Variants in MOG observed in about 807,000 individuals in gnomAD.
The protein encoded by MOG is myelin-oligodendrocyte glycoprotein.
Under a neutral mutation model 35.9 loss-of-function variants are expected in MOG, and 20 were observed. The observed-to-expected ratio is 0.56, with a 90% CI of 0.39 to 0.81. MOG has a LOEUF of 0.81. Ranked by LOEUF, MOG falls within the 30% of genes least tolerant of loss-of-function variation. The pLI is 0.00. For missense variants in MOG, 251 were observed against 301.0 expected, an observed-to-expected ratio of 0.83 and a Z score of 1.23; for synonymous variants, 92 against 114.3, an observed-to-expected ratio of 0.80 and a Z score of 1.25.
chr6:29,660,570 AC>A (rs1768416843), intron 2 of MOG, among the ~76,000 whole-genome samples: 5 of 147,458 alleles, frequency 3.4e-5, no homozygotes, highest in Admixed American at 2.7e-4. Flanking sequence ...GCGCACACAC[AC>A]ACACACACAC....
intron 2 of MOG, chr6:29,661,816 CAAAAA>C (rs9278231): frequency 1.9e-4 from 164 of 872,756 alleles, no homozygotes; most frequent in African/African-American, 3.7e-4. Context: ...AACTCCATCT[CAAAAA>C]AAAAAAAAAA....
At chr6:29,659,123 T>C (rs955632313) in intron 1 of MOG, among the ~76,000 whole-genome samples, 196 bp from the exon 2 acceptor site, 5 of 151,840 alleles carry the variant, frequency 3.3e-5, no homozygotes, top group African/African-American at 1.2e-4. Context: ...AGAGTAAGAC[T>C]GTCTCAAAAA....
chr6:29,664,606 AT>A (rs9278232), intron 2 of MOG: 114,510 of 389,076 alleles, frequency 0.29, 4,149 homozygotes, highest in African/African-American at 0.32. Flanking sequence ...CCATCTCAGA[AT>A]TTTTTTTTTT....
Position 29,671,744 on chromosome 6 carries a change from G to C in MOG, c.*559G>C, listed in dbSNP as rs1771504870. ...ACCTGGAGATGGGGAGAAACCTACA[G>C]AATACTAGCCAGAGCTCCTCCTTGT... On this transcript the variant is annotated 3_prime_UTR_variant, in exon 8 of 8. Transcript: ENST00000376917. The C allele has an allele frequency of 3.8e-6, 2 of 523,158 alleles. No individual in the cohort carries two copies. Among genetic ancestry groups the C allele is most frequent in the Non-Finnish European group, 3.4e-6 (1 of 293,844 alleles). The allele number at this position is 523,158 out of a possible 1,614,324, so 32.4% of individuals were successfully genotyped here.
Position 29,659,641 on chromosome 6 carries a change from G to C in MOG, c.411G>C (p.Glu137Asp). Residue 137 changes from glutamate to aspartate, a missense_variant, in exon 2 of 8, where the codon GAG becomes GAC. Transcript: ENST00000376917. ...TCCGAGATCATTCTTACCAAGAGGA[G>C]GCAGCAATGGAATTGAAAGTAGAAG... Reference protein sequence around the residue: ...CFFRDHSYQEEAAMELKVEDP... With the variant: ...CFFRDHSYQEDAAMELKVEDP... 1 of 1,613,118 alleles carries C rather than the reference G, an allele frequency of 6.2e-7. No individual in the cohort carries two copies. The highest frequency in any genetic ancestry group is 8.5e-7 in the Non-Finnish European group (1 of 1,180,002).
chr6:29,667,293 C>T (rs1435853263), intron 3 of MOG, among the ~76,000 whole-genome samples: 1 of 151,634 alleles, frequency 6.6e-6, no homozygotes, highest in Non-Finnish European at 1.5e-5. Context: ...CCTCCCTCCT[C>T]ATTCAGATGG....
chr6:29,669,513 AC>A (rs1367339210), intron 5 of MOG, among the ~76,000 whole-genome samples: 1 of 148,910 alleles, frequency 6.7e-6, no homozygotes, highest in Non-Finnish European at 1.5e-5. Context: ...CTGGTCTTGA[AC>A]CCCTGACCTC....
In MOG at chr6:29,664,218, T is replaced by A. The variant is rs564514385; in HGVS notation, c.437-1934T>A. Among the ~76,000 whole-genome samples the A allele has an allele frequency of 2.9e-4, 44 of 152,006 alleles. 1 individual carries two copies. The highest frequency in any genetic ancestry group is 8.2e-4 in the African/African-American group (34 of 41,472). ...TTTTCTTTTATTTATTTATTTATTT[T>A]TTTTTTGAGATGGAGTTTTGCTCTT... On this transcript the variant is annotated intron_variant, in intron 2 of 7. Coordinates refer to ENST00000376917, the MANE Select transcript of MOG (RefSeq NM_206809.4).
rs1769187122 is a variant in MOG, at chr6:29,662,945, G to A, written c.437-3207G>A. ...CCCAAAGTGCTAGAATTACAGGCGC[G>A]AGCCACTGCACCCAGCGAAGAACAC... On this transcript the variant is annotated intron_variant, in intron 2 of 7. Coordinates refer to ENST00000376917, the MANE Select transcript of MOG (RefSeq NM_206809.4). The surrounding 1 kb of genome is among the most constrained non-coding windows in gnomAD (Gnocchi z 4.2). Among the ~76,000 whole-genome samples the A allele has an allele frequency of 2.0e-5, 3 of 151,838 alleles. No individual in the cohort carries two copies.
At chr6:29,667,989 T>C in intron 5 of MOG, 65 bp downstream of exon 5, 7 of 1,535,056 alleles carry the variant, frequency 4.6e-6, no homozygotes, top group Non-Finnish European at 6.3e-6. Context: ...TCCAGTCACC[T>C]GGGGGAACAA....
intron 4 of MOG, 41 bp from the exon 5 acceptor site, chr6:29,667,863 G>T (rs372470891): frequency 2.5e-6 from 4 of 1,612,234 alleles, no homozygotes. Context: ...GATCCTTTTT[G>T]AGTGCCCTAC....
intron 2 of MOG, among the ~76,000 whole-genome samples, chr6:29,665,511 A>C (rs754228115): frequency 2.0e-4 from 30 of 152,074 alleles, no homozygotes; most frequent in Non-Finnish European, 3.7e-4. Context: ...GTTTACTGAA[A>C]ATAAATATGT....
Position 29,671,519 on chromosome 6 carries a change from C to T in MOG, c.*334C>T. 1.9e-6 allele frequency: 2 copies of T among 1,062,612 alleles called. No homozygotes were observed. Among genetic ancestry groups the T allele is most frequent in the Admixed American group, 3.4e-5 (2 of 59,214 alleles). 65.8% of individuals were successfully genotyped at this position (1,062,612 alleles called of 1,614,324 possible). ...GGAGAGCAACACAGGATGGTCTCTG[C>T]CATGAACTGGAGGCCAGGAATCTCC... is the stretch of plus-strand genomic sequence containing the variant. On this transcript the variant is annotated 3_prime_UTR_variant, in exon 8 of 8. Transcript: ENST00000376917.
At position 29,662,813 on chromosome 6, in the gene MOG, C is replaced by T. The variant is rs1458106139; in HGVS notation, c.436+3147C>T. Among the ~76,000 whole-genome samples the T allele has an allele frequency of 6.6e-6, 1 of 152,122 alleles. No homozygotes were observed. The highest frequency in any genetic ancestry group is 1.9e-4 in the East Asian group (1 of 5,184). Reference sequence around the variant, plus strand: ...AGTAGCTGGGACCACAGGCACACACCACCACACACTGCTAATGTTTTGTAT... The same window carrying T: ...AGTAGCTGGGACCACAGGCACACACTACCACACACTGCTAATGTTTTGTAT... On this transcript the variant is annotated intron_variant, in intron 2 of 7. Transcript: ENST00000376917. This position sits in a 1 kb window ranked among gnomAD's most constrained non-coding sequence, Gnocchi z 4.2.
rs1453659294 is a variant in MOG at position 29,662,539 on chromosome 6, C to A, written c.436+2873C>A. ...TAATATTATAATGAGCCTCCAAGTG[C>A]CTACCACCTTGCTGCAGCACTTGTC... On this transcript the variant is annotated intron_variant, in intron 2 of 7. Transcript: ENST00000376917. The surrounding 1 kb of genome is among the most constrained non-coding windows in gnomAD (Gnocchi z 4.2). Among the ~76,000 whole-genome samples the A allele has an allele frequency of 1.3e-5, 2 of 152,124 alleles. No individual in the cohort carries two copies. The highest frequency in any genetic ancestry group is 4.8e-5 in the African/African-American group (2 of 41,426).
intron 2 of MOG, chr6:29,661,471 C>A: frequency 1.0e-6 from 1 of 985,404 alleles, no homozygotes; most frequent in Non-Finnish European, 1.2e-6. Context: ...TGCTCAACAA[C>A]TTCCTAGCTC....
chr6:29,657,489 CT>C (rs879256529), intron 1 of MOG, among the ~76,000 whole-genome samples, 192 bp downstream of exon 1: 139 of 143,854 alleles, frequency 9.7e-4, no homozygotes, highest in Admixed American at 1.2e-3. Context: ...AGTCCAGACT[CT>C]TTTTTTTTTT....
intron 2 of MOG, chr6:29,664,594 A>G (rs1562193537): frequency 2.3e-6 from 1 of 443,212 alleles, no homozygotes; most frequent in Non-Finnish European, 4.5e-6. Flanking sequence ...AAGTTGATAG[A>G]CCCATCTCAG....
intron 1 of MOG, among the ~76,000 whole-genome samples, chr6:29,657,616 G>A (rs375460049): frequency 5.3e-5 from 8 of 151,070 alleles, no homozygotes; most frequent in African/African-American, 7.3e-5. Flanking sequence ...CCCAAGTAGC[G>A]GAGACTACAG....
Sources: allele counts gnomAD v4.1 joint callset (sites outside exome capture counted in the v4.1 genomes callset), GRCh38; gene constraint gnomAD v4.1.1; non-coding constraint Gnocchi (gnomAD v3.1); transcripts MANE v1.5; gene names NCBI Gene and HGNC (gene_info 2026-07-23, HGNC 2026-07-21).